The following THEMIS variants were observed in gnomAD, a reference collection of about 807,000 sequenced individuals.
THEMIS encodes thymocyte selection associated.
In THEMIS, 37 loss-of-function variants were observed where a neutral mutation model predicts 52.6. The observed-to-expected ratio is 0.70, with a 90% CI of 0.54 to 0.93. The LOEUF is 0.93. Among genes scored for constraint, THEMIS ranks in the 40% least tolerant of loss-of-function variants. THEMIS has a pLI of 0.00. For synonymous variants in THEMIS, 292 were observed against 272.7 expected (o/e 1.07, Z -0.70); for missense variants, 808 against 763.1 (o/e 1.06, Z -0.69).
chr6:127,730,331 G>GA (rs1774739149), intron 4 of THEMIS, among the ~76,000 whole-genome samples: 1 of 104,796 alleles, frequency 9.5e-6, no homozygotes. Flanking sequence ...AAAAAGAAAA[G>GA]AAAAGAAAAG....
rs200628056 is a variant in THEMIS at position 127,777,000 on chromosome 6, T to TTA, written c.1758+35881_1758+35882dup. On this transcript the variant is annotated intron_variant, in intron 4 of 5. Transcript: ENST00000368248. ...AGCTTTCTTTTGAACAATGTTACAA[T>TTA]TATATATATATATTTTCCCATTCTT... Among the ~76,000 whole-genome samples the TTA allele has an allele frequency of 1.5e-3, 230 of 151,910 alleles. 3 individuals carry two copies. The East Asian group carries it at 0.017, about 11-fold the overall frequency.
chr6:127,908,803 TTTCTC>T (rs1306866174), intron 1 of THEMIS, among the ~76,000 whole-genome samples: 12 of 151,876 alleles, frequency 7.9e-5, no homozygotes, highest in African/African-American at 2.9e-4. Context: ...TCTTTTCTCT[TTTCTC>T]TTTTTTTTTC....
chr6:127,772,503 A>G (rs865977401), intron 4 of THEMIS, among the ~76,000 whole-genome samples: 12 of 152,116 alleles, frequency 7.9e-5, no homozygotes, highest in African/African-American at 2.7e-4. Context: ...ATTTTTAAGG[A>G]AAAGTTCTAG....
chr6:127,908,883 A>G (rs1374738518), intron 1 of THEMIS, among the ~76,000 whole-genome samples: 3 of 151,980 alleles, frequency 2.0e-5, no homozygotes, highest in African/African-American at 7.2e-5. Context: ...ATGTGCTAAC[A>G]TTTTAGAGCC....
intron 2 of THEMIS, among the ~76,000 whole-genome samples, chr6:127,845,762 T>A (rs1779191596): frequency 6.6e-6 from 1 of 151,598 alleles, no homozygotes; most frequent in Admixed American, 6.6e-5. Flanking sequence ...CCTGCAGTGA[T>A]GGGAAAAAAA....
At chr6:127,846,597 G>C (rs1191175291) in intron 2 of THEMIS, among the ~76,000 whole-genome samples, 2 of 151,754 alleles carry the variant, frequency 1.3e-5, no homozygotes, top group Non-Finnish European at 2.9e-5. Context: ...CAAAGAAATG[G>C]AAACCATGAG....
intron 4 of THEMIS, among the ~76,000 whole-genome samples, chr6:127,796,549 C>T (rs1418210219): frequency 6.6e-6 from 1 of 152,022 alleles, no homozygotes; most frequent in East Asian, 1.9e-4. Context: ...AAGGAGAAAA[C>T]ATAAAGATCC....
chr6:127,888,250 G>T (rs1018695085), intron 1 of THEMIS, among the ~76,000 whole-genome samples: 1 of 152,006 alleles, frequency 6.6e-6, no homozygotes, highest in Non-Finnish European at 1.5e-5. Context: ...ACCCATATAA[G>T]ATTTTTATTT....
chr6:127,772,460 A>G (rs1776419537), intron 4 of THEMIS, among the ~76,000 whole-genome samples: 2 of 152,038 alleles, frequency 1.3e-5, no homozygotes, highest in South Asian at 4.1e-4. Flanking sequence ...ACAATGGGGA[A>G]ACAGGATCAT....
At chr6:127,882,991 C>T (rs955227991) in intron 1 of THEMIS, among the ~76,000 whole-genome samples, 3 of 151,958 alleles carry the variant, frequency 2.0e-5, no homozygotes, top group African/African-American at 2.4e-5. Context: ...ACATAATTCA[C>T]TAAGCATCAT....
intron 1 of THEMIS, among the ~76,000 whole-genome samples, chr6:127,869,726 T>A (rs369181332): frequency 8.1e-4 from 124 of 152,288 alleles, no homozygotes; most frequent in African/African-American, 2.7e-3. Flanking sequence ...GAAATGCCAG[T>A]GGACACAGAC....
intron 4 of THEMIS, among the ~76,000 whole-genome samples, chr6:127,799,539 CTT>C (rs1777452348): frequency 7.6e-6 from 1 of 130,776 alleles, no homozygotes; most frequent in African/African-American, 2.9e-5. Context: ...CTCTTTCTTT[CTT>C]TCTTTCTTTC....
At chr6:127,883,334 A>T (rs1248648007) in intron 1 of THEMIS, among the ~76,000 whole-genome samples, 1 of 151,682 alleles carries the variant, frequency 6.6e-6, no homozygotes, top group Non-Finnish European at 1.5e-5. Flanking sequence ...AGGAGACCCT[A>T]AAAAAATGCA....
intron 2 of THEMIS, among the ~76,000 whole-genome samples, chr6:127,849,051 G>C (rs971963733): frequency 3.3e-5 from 5 of 151,972 alleles, no homozygotes; most frequent in African/African-American, 4.8e-5. Context: ...GGGTTTTTAT[G>C]GTTTTAGGTC....
intron 1 of THEMIS, among the ~76,000 whole-genome samples, chr6:127,874,855 G>A (rs1780267326): frequency 6.6e-6 from 1 of 152,236 alleles, no homozygotes; most frequent in African/African-American, 2.4e-5. Context: ...TTATCATTGA[G>A]GGAAGTTGAG....
At chr6:127,804,905 G>A (rs1036292964) in intron 4 of THEMIS, among the ~76,000 whole-genome samples, 8 of 151,996 alleles carry the variant, frequency 5.3e-5, no homozygotes, top group Non-Finnish European at 1.0e-4. Context: ...CTGAATGAGC[G>A]TAATGTCACA....
At chr6:127,831,128 G>T (rs1300063096) in intron 2 of THEMIS, among the ~76,000 whole-genome samples, 2 of 152,008 alleles carry the variant, frequency 1.3e-5, no homozygotes, top group African/African-American at 4.8e-5. Flanking sequence ...TTAGAAAACT[G>T]CACTATTTTT....
intron 4 of THEMIS, among the ~76,000 whole-genome samples, chr6:127,802,828 A>T (rs1483439822): frequency 2.0e-5 from 3 of 152,178 alleles, no homozygotes; most frequent in Non-Finnish European, 2.9e-5. Context: ...GCCTTTTACC[A>T]GGGTAACTGT....
At chr6:127,800,458 T>C (rs543949337) in intron 4 of THEMIS, among the ~76,000 whole-genome samples, 7 of 152,314 alleles carry the variant, frequency 4.6e-5, no homozygotes, top group Non-Finnish European at 1.0e-4. Context: ...ATGGTAAACA[T>C]CATACTAGGC....
Sources: gnomAD v4.1 joint callset for allele counts (sites outside exome capture counted in the v4.1 genomes callset) on GRCh38, gnomAD v4.1.1 for gene constraint, MANE v1.5 for transcripts, NCBI Gene and HGNC (gene_info 2026-07-23, HGNC 2026-07-21) for gene names.